Variants in EHF observed in about 807,000 individuals in gnomAD.
EHF encodes ETS homologous factor.
Under a neutral mutation model 45.1 loss-of-function variants are expected in EHF, and 14 were observed. The observed-to-expected ratio is 0.31, with a 90% confidence interval of 0.21 to 0.49. The LOEUF is 0.49. Ranked by LOEUF, EHF falls within the 20% of genes least tolerant of loss-of-function variation. The probability of loss-of-function intolerance (pLI) is 0.99; values close to 1 mark genes in which losing one functional copy is unlikely to be tolerated. For missense variants in EHF, 282 were observed against 371.4 expected, an observed-to-expected ratio of 0.76 and a Z score of 1.98; for synonymous variants, 136 against 131.8, an observed-to-expected ratio of 1.03 and a Z score of -0.22.
intron 1 of EHF, among the ~76,000 whole-genome samples, chr11:34,631,957 A>G (rs2134013860): frequency 6.6e-6 from 1 of 152,298 alleles, no homozygotes; most frequent in East Asian, 1.9e-4. Context: ...TTTGCAGACC[A>G]TGGACACCCC....
chr11:34,648,346 AATAT>A (rs34971776), intron 3 of EHF, among the ~76,000 whole-genome samples: 141 of 147,712 alleles, frequency 9.5e-4, no homozygotes, highest in African/African-American at 3.1e-3. Context: ...TGCATTTACA[AATAT>A]ATATATATAT....
intron 6 of EHF, 98 bp downstream of exon 6, chr11:34,651,903 T>C: frequency 8.1e-7 from 1 of 1,229,248 alleles, no homozygotes; most frequent in Non-Finnish European, 1.1e-6. Flanking sequence ...CTGGAGTCTT[T>C]CTAATTAAAG....
intron 1 of EHF, among the ~76,000 whole-genome samples, chr11:34,638,972 TG>T (rs1224245768): frequency 6.6e-6 from 1 of 152,220 alleles, no homozygotes; most frequent in Non-Finnish European, 1.5e-5. Context: ...CTGATTTTGA[TG>T]GGGGACATGT....
chr11:34,632,779 C>T (rs1264121220), intron 1 of EHF: 81 of 1,163,260 alleles, frequency 7.0e-5, no homozygotes, highest in African/African-American at 1.1e-4. Context: ...TTTTGGAAGC[C>T]GTGTCCTTGT....
chr11:34,627,520 T>C (rs1453137828), intron 1 of EHF, among the ~76,000 whole-genome samples: 1 of 152,158 alleles, frequency 6.6e-6, no homozygotes, highest in East Asian at 1.9e-4. Flanking sequence ...GTCATGAATC[T>C]TGGGCATTCT....
At chr11:34,646,865 C>A in intron 3 of EHF, 181 bp downstream of exon 3, 1 of 720,162 alleles carries the variant, frequency 1.4e-6, no homozygotes. Flanking sequence ...GCATAGGGTA[C>A]CTGGTGTGCC....
chr11:34,632,556 C>T (rs1032252565), intron 1 of EHF: 13 of 1,535,458 alleles, frequency 8.5e-6, no homozygotes, highest in East Asian at 2.4e-5. Flanking sequence ...GCCAACTCCA[C>T]GTCCTAGTCA....
intron 1 of EHF, among the ~76,000 whole-genome samples, chr11:34,634,757 T>A (rs1264773280): frequency 6.6e-6 from 1 of 152,192 alleles, no homozygotes; most frequent in African/African-American, 2.4e-5. Flanking sequence ...TGCATATGAA[T>A]ATATATACAT....
At chr11:34,637,188 G>A (rs1361558827) in intron 1 of EHF, among the ~76,000 whole-genome samples, 1 of 152,130 alleles carries the variant, frequency 6.6e-6, no homozygotes, top group Non-Finnish European at 1.5e-5. Context: ...CCGACCAGCA[G>A]CCAAAATAGG....
chr11:34,626,374 A>C (rs1363593190), intron 1 of EHF, among the ~76,000 whole-genome samples: 3 of 152,222 alleles, frequency 2.0e-5, no homozygotes, highest in Non-Finnish European at 4.4e-5. Flanking sequence ...GAATATGGTC[A>C]TCTTGTGGAG....
chr11:34,639,621 C>T (rs1226546374), intron 1 of EHF, among the ~76,000 whole-genome samples: 2 of 152,230 alleles, frequency 1.3e-5, no homozygotes, highest in Non-Finnish European at 2.9e-5. Context: ...CCCTGCAGCT[C>T]CCTGCCCAGT....
In EHF at chr11:34,659,346, G is replaced by A. The variant is rs1369993999; in HGVS notation, c.*415G>A. ...AAGGTGATGCATCCTCCTCACATAA[G>A]CATCCATATGGCTTCGTCAAGGGAG... On this transcript the variant is annotated 3_prime_UTR_variant, in exon 9 of 9. Coordinates refer to ENST00000257831, the MANE Select transcript of EHF (RefSeq NM_012153.6). 6.3e-6 allele frequency: 1 copy of A among 159,652 alleles called. No homozygotes were observed. The highest frequency in any genetic ancestry group is 1.4e-5 in the Non-Finnish European group (1 of 73,194). The allele number at this position is 159,652 out of a possible 1,614,324, so 9.9% of individuals were successfully genotyped here.
chr11:34,621,531 T>C (rs1031949156), intron 1 of EHF, among the ~76,000 whole-genome samples: 1 of 152,210 alleles, frequency 6.6e-6, no homozygotes, highest in Non-Finnish European at 1.5e-5. Flanking sequence ...TTCCCCTGGG[T>C]TGAATTCTTC....
At chr11:34,652,691 A>G (rs1855287203) in intron 6 of EHF, among the ~76,000 whole-genome samples, 1 of 134,410 alleles carries the variant, frequency 7.4e-6, no homozygotes, top group Admixed American at 7.2e-5. Context: ...AATGGGATTT[A>G]ATTGGGTCTT....
At chr11:34,636,320 TG>T (rs1368718916) in intron 1 of EHF, among the ~76,000 whole-genome samples, 1 of 152,222 alleles carries the variant, frequency 6.6e-6, no homozygotes, top group Non-Finnish European at 1.5e-5. Flanking sequence ...TGTCCAAACT[TG>T]CCCCATTAGG....
At chr11:34,656,992 T>G (rs1489623008) in intron 7 of EHF, 22 bp downstream of exon 7, 39 of 1,612,636 alleles carry the variant, frequency 2.4e-5, no homozygotes, top group Non-Finnish European at 2.9e-5. Context: ...GGCTTTCAGA[T>G]GGCCTTTGGT....
chr11:34,639,166 T>A (rs897252380), intron 1 of EHF, among the ~76,000 whole-genome samples: 1 of 152,170 alleles, frequency 6.6e-6, no homozygotes, highest in Non-Finnish European at 1.5e-5. Context: ...GGCTGAAAGA[T>A]GGGACCTAGA....
At chr11:34,627,543 A>G (rs1005305098) in intron 1 of EHF, among the ~76,000 whole-genome samples, 8 of 151,966 alleles carry the variant, frequency 5.3e-5, no homozygotes, top group Admixed American at 3.9e-4. Context: ...AGGCTTTGGG[A>G]AAAAAAATTC....
At chr11:34,657,124 C>G (rs1159390589) in intron 7 of EHF, among the ~76,000 whole-genome samples, 154 bp downstream of exon 7, 1 of 152,168 alleles carries the variant, frequency 6.6e-6, no homozygotes, top group East Asian at 1.9e-4. Context: ...GCATCACTTG[C>G]TAGCAAAGTA....
Sources: gnomAD v4.1 joint callset for allele counts (sites outside exome capture counted in the v4.1 genomes callset) on GRCh38, gnomAD v4.1.1 for gene constraint, MANE v1.5 for transcripts, NCBI Gene and HGNC (gene_info 2026-07-23, HGNC 2026-07-21) for gene names.